The following NUBP1 variants were observed in gnomAD, a reference collection of about 807,000 sequenced individuals.
NUBP1 encodes the protein NUBP iron-sulfur cluster assembly factor 1, cytosolic, also known as cytosolic Fe-S cluster assembly factor NUBP1.
In NUBP1, 46 loss-of-function variants were observed where a neutral mutation model predicts 41.8. The observed-to-expected ratio is 1.10, with a 90% CI of 0.87 to 1.41. The LOEUF (loss-of-function observed/expected upper bound fraction) is 1.41. Among genes scored for constraint, NUBP1 ranks in the 40% most tolerant of loss-of-function variants. The pLI, the probability that NUBP1 is intolerant of heterozygous loss-of-function variation, is 0.00. For synonymous variants in NUBP1, 189 were observed against 154.6 expected, an observed-to-expected ratio of 1.22 and a Z score of -1.65; for missense variants, 494 against 414.0, an observed-to-expected ratio of 1.19 and a Z score of -1.68.
intron 3 of NUBP1, among the ~76,000 whole-genome samples, chr16:10,750,979 C>G (rs754342322): frequency 3.3e-5 from 5 of 152,116 alleles, no homozygotes; most frequent in Middle Eastern, 6.3e-3. Flanking sequence ...CTAACCTAAG[C>G]AAAATTAAAT....
At chr16:10,755,573 C>A in intron 4 of NUBP1, 148 bp from the exon 5 acceptor site, 1 of 773,316 alleles carries the variant, frequency 1.3e-6, no homozygotes, top group Non-Finnish European at 2.2e-6. Context: ...AGCTGTTCAC[C>A]TCCTTTTAGG....
intron 3 of NUBP1, among the ~76,000 whole-genome samples, chr16:10,748,649 G>A (rs889282668): frequency 5.3e-5 from 8 of 152,306 alleles, no homozygotes; most frequent in Non-Finnish European, 2.9e-5. Flanking sequence ...CACGGGGCCC[G>A]ACGAATAGTC....
chr16:10,756,680 C>G lies in NUBP1; in HGVS notation c.361-10C>G. The G allele has an allele frequency of 6.5e-7, 1 of 1,545,466 alleles. No individual in the cohort carries two copies. The highest frequency in any genetic ancestry group is 1.3e-5 in the South Asian group (1 of 79,280). ...AAGCGTGTCTTGCCCTCACCCTGTTCCCTCTGCAGTACGTGGAAGACAACC... is the reference window on the plus strand; with the variant it reads ...AAGCGTGTCTTGCCCTCACCCTGTTGCCTCTGCAGTACGTGGAAGACAACC... On this transcript the variant is annotated splice_polypyrimidine_tract_variant and intron_variant, in intron 5 of 10. Coordinates refer to ENST00000283027, the MANE Select transcript of NUBP1 (RefSeq NM_002484.4).
At position 10,768,783 on chromosome 16, in the gene NUBP1, T is replaced by C; in HGVS notation, c.905-264T>C. On this transcript the variant is annotated intron_variant, in intron 10 of 10. Coordinates refer to ENST00000283027, the MANE Select transcript of NUBP1 (RefSeq NM_002484.4). The surrounding 1 kb of genome is among the most constrained non-coding windows in gnomAD (Gnocchi z 4.3). ...GTTTTACTTGCCTAGAAGAATGATG[T>C]CAAGGGTAAGGAAACAGCATTCCCA... 2.6e-6 allele frequency: 1 copy of C among 390,352 alleles called. No homozygotes were observed. Among genetic ancestry groups the C allele is most frequent in the Non-Finnish European group, 4.6e-6 (1 of 219,104 alleles). The allele number at this position is 390,352 out of a possible 1,614,324, so 24.2% of individuals were successfully genotyped here.
At position 10,759,773 on chromosome 16, in the gene NUBP1, C is replaced by A. The variant is rs1302173177; in HGVS notation, c.607-1591C>A. Among the ~76,000 whole-genome samples, 1 of 152,120 alleles carries A rather than the reference C, an allele frequency of 6.6e-6. No individual in the cohort carries two copies. Among genetic ancestry groups the A allele is most frequent in the African/African-American group, 2.4e-5 (1 of 41,432 alleles). ...CCTGGGCGACAGAGCAAGACTCTGT[C>A]TCAAAAAAAGAAAGAAAGAAATGAG... On this transcript the variant is annotated intron_variant, in intron 7 of 10. Coordinates refer to ENST00000283027, the MANE Select transcript of NUBP1 (RefSeq NM_002484.4). The surrounding 1 kb of genome is among the most constrained non-coding windows in gnomAD (Gnocchi z 4.7).
At position 10,767,404 on chromosome 16, in the gene NUBP1, C is replaced by T. The variant is rs2031050976; in HGVS notation, c.821-545C>T. On this transcript the variant is annotated intron_variant, in intron 9 of 10. Transcript: ENST00000283027. This position sits in a 1 kb window ranked among gnomAD's most constrained non-coding sequence, Gnocchi z 4.6. ...ATGACCTGGAAGATAAAATTATACA[C>T]AGACAAAGCAGCAGGCAGAATGTGT... The T allele has an allele frequency of 1.2e-5, 5 of 400,084 alleles. No homozygotes were observed. In the East Asian group the frequency reaches 1.8e-4, roughly 14 times the overall value. 24.8% of individuals were successfully genotyped at this position (400,084 alleles called of 1,614,324 possible).
chr16:10,758,089 C>A (rs773837662), intron 7 of NUBP1, 62 bp downstream of exon 7: 5 of 1,567,554 alleles, frequency 3.2e-6, no homozygotes, highest in Non-Finnish European at 4.4e-6. Context: ...GATTTCTTTC[C>A]TACCTGGCTC....
At chr16:10,756,155 G>A (rs999207991) in intron 5 of NUBP1, among the ~76,000 whole-genome samples, 4 of 152,216 alleles carry the variant, frequency 2.6e-5, no homozygotes, top group Admixed American at 6.5e-5. Context: ...AAGCCAGGCA[G>A]ATCACTTGAG....
chr16:10,748,125 GT>G (rs987993282), intron 3 of NUBP1, among the ~76,000 whole-genome samples: 6 of 151,954 alleles, frequency 3.9e-5, no homozygotes, highest in Admixed American at 1.3e-4. Flanking sequence ...TAATTTTTGG[GT>G]TTTTTGTAGA....
chr16:10,757,798 T>TAA lies in NUBP1; in HGVS notation c.452-66_452-65dup. The TAA allele has an allele frequency of 9.8e-6, 12 of 1,221,694 alleles. No individual in the cohort carries two copies. The highest frequency in any genetic ancestry group is 3.1e-5 in the South Asian group (2 of 65,482). The allele number at this position is 1,221,694 out of a possible 1,614,324, so 75.7% of individuals were successfully genotyped here. ...GGCAACATAGCAAGACCCCATCCTT[T>TAA]AAAAAAAAAAGAGGGAGTTGAAAGT... On this transcript the variant is annotated intron_variant, in intron 6 of 10. Coordinates refer to ENST00000283027, the MANE Select transcript of NUBP1 (RefSeq NM_002484.4). The surrounding 1 kb of genome is among the most constrained non-coding windows in gnomAD (Gnocchi z 4.1).
At chr16:10,744,179 G>T (rs1289271421) in intron 2 of NUBP1, 114 bp downstream of exon 2, 4 of 1,062,016 alleles carry the variant, frequency 3.8e-6, no homozygotes, top group African/African-American at 3.3e-5. Flanking sequence ...AGGCTAGAAG[G>T]TATTGTATTC....
At chr16:10,762,466 C>T (rs1005551626) in intron 9 of NUBP1, among the ~76,000 whole-genome samples, 3 of 152,222 alleles carry the variant, frequency 2.0e-5, no homozygotes, top group African/African-American at 4.8e-5. Context: ...ACACGCCCGC[C>T]GGGCGCCCAC....
intron 5 of NUBP1, among the ~76,000 whole-genome samples, 161 bp downstream of exon 5, chr16:10,755,914 G>A (rs551849278): frequency 6.6e-6 from 1 of 152,330 alleles, no homozygotes; most frequent in African/African-American, 2.4e-5. Flanking sequence ...TGTAAAGTGT[G>A]GGACGGTAAA....
In NUBP1 at chr16:10,755,632, C is replaced by T. The variant is rs1900511562; in HGVS notation, c.328-89C>T. On this transcript the variant is annotated intron_variant, in intron 4 of 10. Transcript: ENST00000283027. ...AATGAATTATATTTTAAAAAACCAT[C>T]GTCTTACTTTGTACAATTTGTCTGT... 6.8e-6 allele frequency: 9 copies of T among 1,317,132 alleles called. No homozygotes were observed. The East Asian group carries it at 6.9e-5, about 10-fold the overall frequency. The allele number at this position is 1,317,132 out of a possible 1,614,324, so 81.6% of individuals were successfully genotyped here. A position where few individuals can be genotyped will look rare whatever the true frequency, so the allele number is the denominator to read the frequency against.
intron 8 of NUBP1, 93 bp from the exon 9 acceptor site, chr16:10,761,664 C>CTTTTTTTTTTTT: frequency 1.1e-6 from 1 of 914,798 alleles, no homozygotes; most frequent in Admixed American, 2.8e-5. Flanking sequence ...CAAACTAAGC[C>CTTTTTTTTTTTT]TTTTTTTTTT....
Position 10,743,992 on chromosome 16 carries a change from C to A in NUBP1, c.51C>A (p.Gly17=). ...DCPGADSAQA[G]RGASCQGCPN... is the part of the protein sequence containing the mutation. Reference sequence around the variant, plus strand: ...CAGGGGCCGACAGCGCCCAGGCGGGCAGAGGGGCTTCATGTCAGGGATGCC... The same window carrying A: ...CAGGGGCCGACAGCGCCCAGGCGGGAAGAGGGGCTTCATGTCAGGGATGCC... The change falls in exon 2 of 11, where the codon GGC becomes GGA. Residue 17 remains glycine, a synonymous_variant. Transcript: ENST00000283027. 6.3e-7 allele frequency: 1 copy of A among 1,582,496 alleles called. No homozygotes were observed. Among genetic ancestry groups the A allele is most frequent in the Non-Finnish European group, 8.5e-7 (1 of 1,169,884 alleles).
intron 4 of NUBP1, among the ~76,000 whole-genome samples, chr16:10,754,278 T>C (rs1037883849): frequency 1.3e-5 from 2 of 151,962 alleles, no homozygotes; most frequent in African/African-American, 2.4e-5. Flanking sequence ...GTTTCACTCT[T>C]GTTGCCCAGG....
Position 10,747,282 on chromosome 16 carries a change from A to T in NUBP1, c.258+6A>T, listed in dbSNP as rs754299898. 1 of 1,612,632 alleles carries T rather than the reference A, an allele frequency of 6.2e-7. No individual in the cohort carries two copies. The highest frequency in any genetic ancestry group is 1.7e-5 in the Admixed American group (1 of 59,966). ...CAGAGGATGAAAACACACAGGTGAG[A>T]CCTCAGGAACCACTGGGAGATGCTC... On this transcript the variant is annotated splice_donor_region_variant and intron_variant, in intron 3 of 10. Transcript: ENST00000283027.
intron 2 of NUBP1, among the ~76,000 whole-genome samples, chr16:10,745,203 G>A (rs1476294003): frequency 4.0e-5 from 6 of 150,650 alleles, no homozygotes; most frequent in African/African-American, 7.3e-5. Flanking sequence ...AGTGGCTCAC[G>A]CCTGTAATCC....
Sources: allele counts gnomAD v4.1 joint callset (sites outside exome capture counted in the v4.1 genomes callset), GRCh38; gene constraint gnomAD v4.1.1; non-coding constraint Gnocchi (gnomAD v3.1); transcripts MANE v1.5; gene names NCBI Gene and HGNC (gene_info 2026-07-23, HGNC 2026-07-21).